The following ZC3H7B variants were observed in gnomAD, a reference collection of about 807,000 sequenced individuals.
ZC3H7B encodes the protein zinc finger CCCH domain-containing protein 7B.
Under a neutral mutation model 116.0 loss-of-function variants are expected in ZC3H7B, and 35 were observed. That is an observed-to-expected ratio of 0.30 (90% CI 0.23 to 0.40). The LOEUF is 0.40. Among genes scored for constraint, ZC3H7B ranks in the 10% least tolerant of loss-of-function variants. The probability of loss-of-function intolerance (pLI) is 1.00; values close to 1 mark genes in which losing one functional copy is unlikely to be tolerated. For missense variants in ZC3H7B, 1,011 were observed against 1,321.5 expected (o/e 0.77, Z 3.64); for synonymous variants, 502 against 545.6 (o/e 0.92, Z 1.11).
intron 4 of ZC3H7B, among the ~76,000 whole-genome samples, chr22:41,326,570 C>G (rs918477267): frequency 1.3e-5 from 2 of 152,010 alleles, no homozygotes; most frequent in Non-Finnish European, 2.9e-5. Context: ...CACTGTTTCT[C>G]CCATAGCCTC....
chr22:41,336,226 CTG>C (rs1416756516), intron 7 of ZC3H7B: 1 of 152,316 alleles, frequency 6.6e-6, no homozygotes, highest in African/African-American at 2.4e-5. Context: ...CTTCCAGAAA[CTG>C]TGCATCTAAT....
intron 2 of ZC3H7B, among the ~76,000 whole-genome samples, chr22:41,323,655 C>T (rs2036284099): frequency 2.0e-5 from 3 of 152,208 alleles, no homozygotes; most frequent in South Asian, 2.1e-4. Flanking sequence ...ACATCAGTCC[C>T]GCTATTTTTG....
intron 1 of ZC3H7B, among the ~76,000 whole-genome samples, chr22:41,308,993 T>TAA (rs911038110): frequency 1.4e-5 from 2 of 145,374 alleles, no homozygotes; most frequent in Admixed American, 1.5e-4. Context: ...GGGCCTTCCC[T>TAA]AAACTCCCAG....
Position 41,339,087 on chromosome 22 carries a change from GC to G in ZC3H7B, c.718del (p.Leu240TrpfsTer52). Reference protein sequence around the residue: ...PLFPHVLDLLAPLDSSRTLPS... With the variant: ...PLFPHVLDLLXPLDSSRTLPS... ...GTTCCCTCACGTTCTGGACCTGCTGGCCCCCCTGGACAGCAGCAGGACCCTC... is the reference window on the plus strand; with the variant it reads ...GTTCCCTCACGTTCTGGACCTGCTGGCCCCCTGGACAGCAGCAGGACCCTC... On this transcript the variant is annotated frameshift_variant, in exon 9 of 23. Coordinates refer to ENST00000352645, the MANE Select transcript of ZC3H7B (RefSeq NM_017590.6). LOFTEE classifies it high-confidence loss of function. The G allele has an allele frequency of 1.2e-6, 2 of 1,612,476 alleles. No homozygotes were observed. The highest frequency in any genetic ancestry group is 1.1e-5 in the South Asian group (1 of 90,628).
chr22:41,349,195 C>T lies in ZC3H7B; in HGVS notation c.1842C>T (p.Phe614=), dbSNP rs748225843. 82 of 1,613,684 alleles carry T rather than the reference C, an allele frequency of 5.1e-5. 1 individual carries two copies. The highest frequency in any genetic ancestry group is 6.7e-5 in the East Asian group (3 of 44,896). ...GCCAGTTCCAGGAGCACTTCCAGTT[C>T]GACGTGTGCCGCCATGAGGTGCGCT... The part of the protein sequence containing the change: ...KIRQFQEHFQ[F]DVCRHEVRYG... The change falls in exon 16 of 23, where the codon TTC becomes TTT. Residue 614 remains phenylalanine (F), a synonymous_variant. Coordinates refer to ENST00000352645, the MANE Select transcript of ZC3H7B (RefSeq NM_017590.6). This position sits in a 1 kb window ranked among gnomAD's most constrained non-coding sequence, Gnocchi z 4.9.
At position 41,338,482 on chromosome 22, in the gene ZC3H7B, C is replaced by G. The variant is rs540874500; in HGVS notation, c.625+127C>G. 1,573 of 961,442 alleles carry G rather than the reference C, an allele frequency of 1.6e-3. 4 individuals are homozygous for G. Among genetic ancestry groups the G allele is most frequent in the Non-Finnish European group, 2.2e-3 (1,366 of 631,132 alleles). The allele number at this position is 961,442 out of a possible 1,614,324, so 59.6% of individuals were successfully genotyped here. A position where few individuals can be genotyped will look rare whatever the true frequency, so the allele number is the denominator to read the frequency against. On this transcript the variant is annotated intron_variant, in intron 8 of 22. Coordinates refer to ENST00000352645, the MANE Select transcript of ZC3H7B (RefSeq NM_017590.6). The surrounding 1 kb of genome is among the most constrained non-coding windows in gnomAD (Gnocchi z 4.5). ...CGAGGGGTTCCCCACCCTGGTACTC[C>G]CTGAGGCATGGGAGAAAACAGTGGG...
chr22:41,341,702 C>G (rs1455409878), intron 11 of ZC3H7B, among the ~76,000 whole-genome samples: 3 of 152,016 alleles, frequency 2.0e-5, no homozygotes, highest in Non-Finnish European at 2.9e-5. Flanking sequence ...GAGATCGCGC[C>G]ACTGCATTCC....
intron 2 of ZC3H7B, among the ~76,000 whole-genome samples, chr22:41,321,213 ATTTT>A (rs71847593): frequency 7.7e-6 from 1 of 129,836 alleles, no homozygotes; most frequent in Admixed American, 7.8e-5. Context: ...TACCCAGCTA[ATTTT>A]TTTTTTTTTT....
intron 16 of ZC3H7B, among the ~76,000 whole-genome samples, chr22:41,350,388 T>C (rs984150484): frequency 6.6e-6 from 1 of 152,190 alleles, no homozygotes; most frequent in Admixed American, 6.5e-5. Flanking sequence ...TGGAGTTATA[T>C]GATCTGATCA....
intron 2 of ZC3H7B, among the ~76,000 whole-genome samples, chr22:41,323,887 G>T (rs556936701): frequency 1.3e-5 from 2 of 152,264 alleles, no homozygotes; most frequent in African/African-American, 4.8e-5. Flanking sequence ...CGGCTAACAT[G>T]GTGAAACCCT....
Position 41,327,111 on chromosome 22 carries a change from A to G in ZC3H7B, c.286-95A>G. On this transcript the variant is annotated intron_variant, in intron 4 of 22. Coordinates refer to ENST00000352645, the MANE Select transcript of ZC3H7B (RefSeq NM_017590.6). The surrounding 1 kb of genome is among the most constrained non-coding windows in gnomAD (Gnocchi z 4.5). Reference sequence around the variant, plus strand: ...TTCAGCTCCTCTGTCTCTGCCAGGAAGGGAAGCTGGTGTTCCTTCCTAGGC... The same window carrying G: ...TTCAGCTCCTCTGTCTCTGCCAGGAGGGGAAGCTGGTGTTCCTTCCTAGGC... The G allele has an allele frequency of 1.3e-6, 2 of 1,532,964 alleles. No individual in the cohort carries two copies. The highest frequency in any genetic ancestry group is 1.8e-6 in the Non-Finnish European group (2 of 1,135,874). The allele number at this position is 1,532,964 out of a possible 1,614,324, so 95.0% of individuals were successfully genotyped here.
At chr22:41,348,591 C>A (rs1041331794) in intron 15 of ZC3H7B, among the ~76,000 whole-genome samples, 1 of 152,196 alleles carries the variant, frequency 6.6e-6, no homozygotes, top group Non-Finnish European at 1.5e-5. Context: ...GGTCTGGCAC[C>A]ACCCCTTTCT....
chr22:41,343,432 T>A lies in ZC3H7B; in HGVS notation c.1315T>A (p.Tyr439Asn). Residue 439 changes from tyrosine (Y) to asparagine (N), a missense_variant, in exon 13 of 23, where the codon TAC becomes AAC. Tyr to Asn is a moderately radical substitution (Grantham distance 143). Transcript: ENST00000352645. ...YPKTGPRAGD[Y>N]TYREGLEHKC... ...GCCCATAGGCCCCCGGGCTGGCGAC[T>A]ACACCTACCGTGAGGGCCTTGAGCA... 1.2e-6 allele frequency: 2 copies of A among 1,612,424 alleles called. No homozygotes were observed. The highest frequency in any genetic ancestry group is 2.2e-5 in the South Asian group (2 of 90,962).
At position 41,339,625 on chromosome 22, in the gene ZC3H7B, C is replaced by CAAA. The variant is rs34780757; in HGVS notation, c.817-180_817-178dup. Among the ~76,000 whole-genome samples the CAAA allele has an allele frequency of 4.8e-5, 6 of 126,094 alleles. No individual in the cohort carries two copies. In the East Asian group the frequency reaches 6.7e-4, roughly 14 times the overall value. 82.7% of individuals were successfully genotyped at this position (126,094 alleles called of 152,430 possible). On this transcript the variant is annotated intron_variant, in intron 9 of 22. Transcript: ENST00000352645. ...TGGGCAGTGGAGCAAGACTCCGTCT[C>CAAA]AAAAAAAAAAAAAGAAATGAAGCTG...
chr22:41,337,292 C>T (rs775794697), intron 7 of ZC3H7B, among the ~76,000 whole-genome samples: 8 of 151,730 alleles, frequency 5.3e-5, no homozygotes, highest in Non-Finnish European at 1.0e-4. Flanking sequence ...CATGCCACTG[C>T]ACTCCAGCTT....
intron 1 of ZC3H7B, among the ~76,000 whole-genome samples, chr22:41,313,126 T>G (rs2036138017): frequency 6.6e-6 from 1 of 151,798 alleles, no homozygotes; most frequent in Admixed American, 6.6e-5. Context: ...GGTCAGACTT[T>G]TTTTTTTTTT....
Position 41,355,862 on chromosome 22 carries a change from T to C in ZC3H7B, c.2274T>C (p.Asp758=), listed in dbSNP as rs374306125. The part of the protein sequence containing the change: ...PSIRNFPQQY[D]LCIHAQNGRK... ...TTCGTAACTTCCCACAGCAATACGA[T>C]GTGAGCGCTGGGATGGGGGGCTGGG... is the stretch of plus-strand genomic sequence containing the variant. Residue 758 remains aspartate, a splice_region_variant and synonymous_variant, in exon 19 of 23, where the codon GAT becomes GAC. Transcript: ENST00000352645. 5.0e-6 allele frequency: 8 copies of C among 1,613,522 alleles called. No individual in the cohort carries two copies. The African/African-American group carries it at 1.1e-4, about 22-fold the overall frequency.
chr22:41,355,472 G>T lies in ZC3H7B; in HGVS notation c.2038G>T (p.Ala680Ser). 6.2e-7 allele frequency: 1 copy of T among 1,614,002 alleles called. No individual in the cohort carries two copies. Among genetic ancestry groups the T allele is most frequent in the Non-Finnish European group, 8.5e-7 (1 of 1,179,958 alleles). ...HAGKASSSMG[A>S]PRTHGPSTFD... ...CCCCCTCCCCATCCCCCCACAGGGTGCTCCGAGGACACATGGGCCCAGCAC... is the reference window on the plus strand; with the variant it reads ...CCCCCTCCCCATCCCCCCACAGGGTTCTCCGAGGACACATGGGCCCAGCAC... The change falls in exon 18 of 23, where the codon GCT becomes TCT. Residue 680 changes from alanine to serine, a missense_variant. Physicochemically the swap from Ala to Ser is moderately conservative, Grantham distance 99 (BLOSUM62 1). This residue lies in a region of ZC3H7B where 406 missense variants were observed against 590.2 expected (regional missense o/e 0.69). Transcript: ENST00000352645.
chr22:41,343,032 G>T (rs902117640), intron 12 of ZC3H7B, among the ~76,000 whole-genome samples: 1 of 152,188 alleles, frequency 6.6e-6, no homozygotes, highest in Non-Finnish European at 1.5e-5. Flanking sequence ...AAGTAGCCAG[G>T]CTTGGTGGTG....
Sources: allele counts gnomAD v4.1 joint callset (sites outside exome capture counted in the v4.1 genomes callset), GRCh38; gene constraint gnomAD v4.1.1; regional missense constraint gnomAD v4.1.1; non-coding constraint Gnocchi (gnomAD v3.1); transcripts MANE v1.5; gene names NCBI Gene and HGNC (gene_info 2026-07-23, HGNC 2026-07-21).